Variants in POLM observed in about 807,000 individuals in gnomAD.
POLM encodes DNA-directed DNA/RNA polymerase mu.
Under a neutral mutation model 56.7 loss-of-function variants are expected in POLM, and 52 were observed. The observed-to-expected ratio is 0.92, with a 90% CI of 0.73 to 1.15. POLM has a LOEUF of 1.15. POLM is among the 50% of genes most tolerant of loss of function. The pLI is 0.00. For synonymous variants in POLM, 273 were observed against 274.3 expected (o/e 1.00, Z 0.05); for missense variants, 660 against 663.6 (o/e 0.99, Z 0.06).
chr7:44,074,556 C>A, intron 6 of POLM, 26 bp from the exon 7 acceptor site: 1 of 1,523,852 alleles, frequency 6.6e-7, no homozygotes, highest in Admixed American at 2.0e-5. Flanking sequence ...GCCCTCCTGA[C>A]TCACCCAGCC....
In POLM at chr7:44,073,020, G is replaced by T; in HGVS notation, c.*271C>A. ...GGGCCCCACTCACATCCCATCCAGG[G>T]CAGGAACGTGAGCCATGGGGAGGCT... On this transcript the variant is annotated 3_prime_UTR_variant, in exon 11 of 11. Transcript: ENST00000242248. The T allele has an allele frequency of 8.1e-7, 1 of 1,241,202 alleles. No individual in the cohort carries two copies. The highest frequency in any genetic ancestry group is 1.1e-6 in the Non-Finnish European group (1 of 927,386). 76.9% of individuals were successfully genotyped at this position (1,241,202 alleles called of 1,614,324 possible).
chr7:44,080,099 C>T, intron 2 of POLM, 140 bp from the exon 3 acceptor site: 2 of 671,630 alleles, frequency 3.0e-6, no homozygotes, highest in Non-Finnish European at 5.4e-6. Flanking sequence ...AACAAAACAC[C>T]AGCGGCATGA....
At position 44,082,357 on chromosome 7, in the gene POLM, G is replaced by A. The variant is rs763399848; in HGVS notation, c.82C>T (p.Pro28Ser). 13 of 1,552,056 alleles carry A rather than the reference G, an allele frequency of 8.4e-6. No homozygotes were observed. Among genetic ancestry groups the A allele is most frequent in the South Asian group, 1.2e-5 (1 of 84,720 alleles). Residue 28 changes from proline to serine, a missense_variant, in exon 1 of 11, where the codon CCG (proline) becomes TCG (serine). By Grantham distance (74) the Pro-to-Ser change is moderately conservative. Transcript: ENST00000242248. ...ASSTPPSTRF[P>S]GVAIYLVEPR... ...TCGACCAGGTAGATGGCGACTCCCG[G>A]GAAGCGCGTCGAGGGCGGCGTGGAG... is the stretch of plus-strand genomic sequence containing the variant.
rs962636349 is a variant in POLM at position 44,080,736 on chromosome 7, C to A, written c.369G>T (p.Leu123=). 1 of 1,614,020 alleles carries A rather than the reference C, an allele frequency of 6.2e-7. No individual in the cohort carries two copies. Among genetic ancestry groups the A allele is most frequent in the South Asian group, 1.1e-5 (1 of 91,080 alleles). Residue 123 remains leucine, a synonymous_variant, in exon 2 of 11, where the codon CTG becomes CTT. Transcript: ENST00000242248. ...QPVPVECRHR[L]EVAGPRKGPL... ...TTTAGTCTTCCACCCAGCTCACCTCCAGGCGGTGCCGGCACTCCACAGGTA... is the reference window on the plus strand; with the variant it reads ...TTTAGTCTTCCACCCAGCTCACCTCAAGGCGGTGCCGGCACTCCACAGGTA...
In POLM at chr7:44,074,408, C is replaced by A. The variant is rs930869351; in HGVS notation, c.958G>T (p.Gly320Cys). 2 of 1,556,926 alleles carry A rather than the reference C, an allele frequency of 1.3e-6. No individual in the cohort carries two copies. The change falls in exon 7 of 11, where the codon GGC becomes TGC. Residue 320 changes from glycine to cysteine, a missense_variant. Coordinates refer to ENST00000242248, the MANE Select transcript of POLM (RefSeq NM_013284.4). Reference protein sequence around the residue: ...LPGATVTLTGGFRRGKLQGHD... With the variant: ...LPGATVTLTGCFRRGKLQGHD... ...GTCGGGCCTTCTTACCTGCGGAAGCCGCCGGTCAGCGTGACGGTGGCCCCA... is the reference window on the plus strand; with the variant it reads ...GTCGGGCCTTCTTACCTGCGGAAGCAGCCGGTCAGCGTGACGGTGGCCCCA...
Position 44,079,693 on chromosome 7 carries a change from C to T in POLM, c.520G>A (p.Gly174Ser). 3 of 1,612,592 alleles carry T rather than the reference C, an allele frequency of 1.9e-6. No homozygotes were observed. ...AEAAGFEGSEGRLLTFCRAAS... is the reference protein window; with the variant it reads ...AEAAGFEGSESRLLTFCRAAS... ...GCTCTGCAGAAGGTGAGGAGGCGGC[C>T]CTCACTGCCTTCAAAGCCTGCTGCC... The change falls in exon 4 of 11, where the codon GGC (glycine) becomes AGC (serine). Residue 174 changes from glycine (G) to serine (S), a missense_variant. Gly to Ser is a moderately conservative substitution (Grantham distance 56). Coordinates refer to ENST00000242248, the MANE Select transcript of POLM (RefSeq NM_013284.4).
At chr7:44,081,930 A>G (rs1483823804) in intron 1 of POLM, among the ~76,000 whole-genome samples, 1 of 151,946 alleles carries the variant, frequency 6.6e-6, no homozygotes, top group East Asian at 1.9e-4. Context: ...TATTTTTAGT[A>G]GAGACGGGGT....
chr7:44,082,123 A>G, intron 1 of POLM, 128 bp downstream of exon 1: 2 of 778,514 alleles, frequency 2.6e-6, no homozygotes, highest in South Asian at 2.2e-5. Flanking sequence ...CCTAATTAAT[A>G]GCACCCTTTA....
chr7:44,082,356 G>T lies in POLM; in HGVS notation c.83C>A (p.Pro28Gln). The change falls in exon 1 of 11, where the codon CCG becomes CAG. Residue 28 changes from proline to glutamine, a missense_variant. By Grantham distance (76) the Pro-to-Gln change is moderately conservative (BLOSUM62 -1). Transcript: ENST00000242248. ...ASSTPPSTRFPGVAIYLVEPR... is the reference protein window; with the variant it reads ...ASSTPPSTRFQGVAIYLVEPR... ...CTCGACCAGGTAGATGGCGACTCCC[G>T]GGAAGCGCGTCGAGGGCGGCGTGGA... The T allele has an allele frequency of 6.4e-7, 1 of 1,552,498 alleles. No homozygotes were observed. The highest frequency in any genetic ancestry group is 2.6e-5 in the East Asian group (1 of 38,812).
chr7:44,076,257 G>C, intron 6 of POLM: 1 of 434,080 alleles, frequency 2.3e-6, no homozygotes, highest in Admixed American at 3.7e-5. Context: ...CTGGTCACTG[G>C]TCAAAGTCTA....
Position 44,076,504 on chromosome 7 carries a change from C to T in POLM, c.835+5G>A, listed in dbSNP as rs1271073538. 1 of 1,613,952 alleles carries T rather than the reference C, an allele frequency of 6.2e-7. No homozygotes were observed. Among genetic ancestry groups the T allele is most frequent in the African/African-American group, 1.3e-5 (1 of 75,006 alleles). On this transcript the variant is annotated splice_donor_5th_base_variant and intron_variant, in intron 6 of 10. Coordinates refer to ENST00000242248, the MANE Select transcript of POLM (RefSeq NM_013284.4). ...CCCAGGGCCCAGCCTCTCTGGAGGG[C>T]TCACCCGCTTTCTGCTGTTGGGTTA... is the stretch of plus-strand genomic sequence containing the variant.
At chr7:44,073,752 C>A in intron 9 of POLM, 31 bp downstream of exon 9, 1 of 1,613,964 alleles carries the variant, frequency 6.2e-7, no homozygotes, top group South Asian at 1.1e-5. Context: ...CCCAGCCCCA[C>A]CCCCAGGCGG....
At chr7:44,075,238 CAG>C (rs2096180271) in intron 6 of POLM, among the ~76,000 whole-genome samples, 1 of 152,168 alleles carries the variant, frequency 6.6e-6, no homozygotes, top group African/African-American at 2.4e-5. Context: ...TTAGTAGAGA[CAG>C]GGTTTCGCCA....
chr7:44,073,567 G>A lies in POLM; in HGVS notation c.1398+58C>T, dbSNP rs1253004905. ...GAGGGGTCTGGGGCCATTTCAGATTGTGGGTCAGGGAGCGGACTATGGGTG... is the reference window on the plus strand; with the variant it reads ...GAGGGGTCTGGGGCCATTTCAGATTATGGGTCAGGGAGCGGACTATGGGTG... On this transcript the variant is annotated intron_variant, in intron 10 of 10. Coordinates refer to ENST00000242248, the MANE Select transcript of POLM (RefSeq NM_013284.4). 1.9e-6 allele frequency: 3 copies of A among 1,606,930 alleles called. No homozygotes were observed. In the East Asian group the frequency reaches 6.7e-5, roughly 36 times the overall value.
chr7:44,082,316 G>T lies in POLM; in HGVS notation c.123C>A (p.Arg41=), dbSNP rs1467685858. The change falls in exon 1 of 11, where the codon CGC becomes CGA. Residue 41 remains arginine, a synonymous_variant. Coordinates refer to ENST00000242248, the MANE Select transcript of POLM (RefSeq NM_013284.4). The part of the protein sequence containing the change: ...AIYLVEPRMG[R]SRRAFLTGLA... ...GGCCTGTGAGGAAGGCCCGGCGGCT[G>T]CGACCCATGCGAGGCTCGACCAGGT... 2.6e-6 allele frequency: 4 copies of T among 1,558,078 alleles called. No individual in the cohort carries two copies. The highest frequency in any genetic ancestry group is 3.5e-6 in the Non-Finnish European group (4 of 1,159,136).
chr7:44,082,464 G>C lies in POLM; in HGVS notation c.-26C>G. 1 of 1,162,680 alleles carries C rather than the reference G, an allele frequency of 8.6e-7. No homozygotes were observed. Among genetic ancestry groups the C allele is most frequent in the Non-Finnish European group, 1.1e-6 (1 of 931,512 alleles). The allele number at this position is 1,162,680 out of a possible 1,614,324, so 72.0% of individuals were successfully genotyped here. A position where few individuals can be genotyped will look rare whatever the true frequency, so the allele number is the denominator to read the frequency against. Reference sequence around the variant, plus strand: ...TGGGACGACAGCCTCCAGCAGCGCGGAGCGAACGCAGAGGGAAACTCCGAG... The same window carrying C: ...TGGGACGACAGCCTCCAGCAGCGCGCAGCGAACGCAGAGGGAAACTCCGAG... On this transcript the variant is annotated 5_prime_UTR_variant, in exon 1 of 11. Transcript: ENST00000242248.
chr7:44,074,783 GCA>G (rs2096179370), intron 6 of POLM, among the ~76,000 whole-genome samples: 1 of 152,186 alleles, frequency 6.6e-6, no homozygotes, highest in Non-Finnish European at 1.5e-5. Flanking sequence ...AAAAGAAATA[GCA>G]CAGAGGGAGA....
In POLM at chr7:44,080,784, C is replaced by G. The variant is rs28382635; in HGVS notation, c.321G>C (p.Glu107Asp). 1.3e-5 allele frequency: 21 copies of G among 1,613,944 alleles called. No individual in the cohort carries two copies. The Admixed American group carries it at 3.5e-4, about 27-fold the overall frequency. Residue 107 changes from glutamate to aspartate, a missense_variant, in exon 2 of 11, where the codon GAG becomes GAC. Physicochemically the swap from Glu to Asp is conservative, Grantham distance 45 (BLOSUM62 2). Coordinates refer to ENST00000242248, the MANE Select transcript of POLM (RefSeq NM_013284.4). The part of the protein sequence containing the change: ...PALLDISWLT[E>D]SLGAGQPVPV... ...GTACAGGCTGCCCAGCTCCCAGGCT[C>G]TCTGTTAACCAGCTTATGTCCAGCA...
At position 44,074,386 on chromosome 7, in the gene POLM, G is replaced by A. The variant is rs775263606; in HGVS notation, c.968+12C>T. The A allele has an allele frequency of 1.8e-5, 28 of 1,552,980 alleles. No individual in the cohort carries two copies. Among genetic ancestry groups the A allele is most frequent in the Admixed American group, 5.9e-5 (3 of 51,126 alleles). ...TGAAGCCAAGCCAGAGGGGCACGTCGGGCCTTCTTACCTGCGGAAGCCGCC... is the reference window on the plus strand; with the variant it reads ...TGAAGCCAAGCCAGAGGGGCACGTCAGGCCTTCTTACCTGCGGAAGCCGCC... On this transcript the variant is annotated intron_variant, in intron 7 of 10. Coordinates refer to ENST00000242248, the MANE Select transcript of POLM (RefSeq NM_013284.4).
Sources: allele counts gnomAD v4.1 joint callset (sites outside exome capture counted in the v4.1 genomes callset), GRCh38; gene constraint gnomAD v4.1.1; transcripts MANE v1.5; gene names NCBI Gene and HGNC (gene_info 2026-07-23, HGNC 2026-07-21).